Variants in DIDO1 observed in about 807,000 individuals in gnomAD.
DIDO1 encodes the protein death inducer-obliterator 1.
Under a neutral mutation model 99.4 loss-of-function variants are expected in DIDO1, and 16 were observed. The observed-to-expected ratio is 0.16, with a 90% CI of 0.11 to 0.24. The LOEUF is 0.24. DIDO1 is among the 10% of genes least tolerant of loss of function. The probability of loss-of-function intolerance (pLI) is 1.00; values close to 1 mark genes in which losing one functional copy is unlikely to be tolerated. For missense variants in DIDO1, 2,996 were observed against 3,014.0 expected (o/e 0.99, Z 0.14); for synonymous variants, 1,366 against 1,239.1 (o/e 1.10, Z -2.15).
At chr20:62,927,655 G>C (rs1601047304), upstream of DIDO1, among the ~76,000 whole-genome samples, 1 of 152,374 alleles carries the variant, frequency 6.6e-6, no homozygotes, top group Admixed American at 6.5e-5. Context: ...GTGCCGTAAA[G>C]CTGCCCCTAA....
At chr20:62,890,093 C>T (rs2064367421) in intron 15 of DIDO1, 1 of 985,922 alleles carries the variant, frequency 1.0e-6, no homozygotes, top group African/African-American at 1.7e-5. Context: ...CCCGCCGAGG[C>T]CTGGTGACAG....
chr20:62,909,019 A>C (rs1336381415), intron 4 of DIDO1, among the ~76,000 whole-genome samples: 6 of 152,254 alleles, frequency 3.9e-5, no homozygotes, highest in African/African-American at 1.4e-4. Flanking sequence ...GCACGCTCCC[A>C]GGTGCACGGC....
At chr20:62,937,102 C>T (rs541700063) in intron 1 of DIDO1, among the ~76,000 whole-genome samples, 2 of 152,348 alleles carry the variant, frequency 1.3e-5, no homozygotes, top group South Asian at 4.1e-4. Flanking sequence ...ACACGTTGTT[C>T]AGCTCGCTTG....
chr20:62,890,598 C>T (rs975432241), intron 15 of DIDO1: 8 of 1,089,292 alleles, frequency 7.3e-6, no homozygotes, highest in African/African-American at 4.9e-5. Context: ...TGCTGGCTCC[C>T]GAGTCTGTCT....
chr20:62,907,754 G>C (rs185165968), intron 4 of DIDO1, among the ~76,000 whole-genome samples: 1 of 152,176 alleles, frequency 6.6e-6, no homozygotes, highest in African/African-American at 2.4e-5. Flanking sequence ...AAATGGGTCC[G>C]GCTAAATCAG....
At chr20:62,915,056 G>A (rs2065014811) in intron 1 of DIDO1, among the ~76,000 whole-genome samples, 2 of 152,088 alleles carry the variant, frequency 1.3e-5, no homozygotes, top group South Asian at 2.1e-4. Context: ...CCCCAAAGCC[G>A]ACACTTCCAA....
intron 1 of DIDO1, among the ~76,000 whole-genome samples, chr20:62,921,989 AAT>A: frequency 6.7e-6 from 1 of 150,372 alleles, no homozygotes; most frequent in Non-Finnish European, 1.5e-5. Flanking sequence ...ATATGTCCAC[AAT>A]ATATATACAC....
At chr20:62,909,584 G>A in intron 4 of DIDO1, 115 bp downstream of exon 4, 1 of 1,283,532 alleles carries the variant, frequency 7.8e-7, no homozygotes, top group Non-Finnish European at 1.1e-6. Context: ...GAACCCGGGA[G>A]AGGCACCGCC....
chr20:62,885,080 T>C (rs1221488882), intron 15 of DIDO1, among the ~76,000 whole-genome samples: 1 of 152,244 alleles, frequency 6.6e-6, no homozygotes, highest in African/African-American at 2.4e-5. Flanking sequence ...GGTTATGAAA[T>C]TGGCTATTAT....
rs1600939851 is a variant in DIDO1, at chr20:62,894,318, A to C, written c.2572+95T>G. On this transcript the variant is annotated intron_variant, in intron 11 of 15. Transcript: ENST00000395343. This position sits in a 1 kb window ranked among gnomAD's most constrained non-coding sequence, Gnocchi z 4.4. ...TCATTCTGGCCCTTCTGCGTGTTTA[A>C]GCTTACGTGCGGTTGCTTTTAGGAG... 6.3e-7 allele frequency: 1 copy of C among 1,580,874 alleles called. No homozygotes were observed. The highest frequency in any genetic ancestry group is 2.3e-5 in the East Asian group (1 of 44,438).
rs533977923 is a variant in DIDO1 at position 62,910,928 on chromosome 20, C to A, written c.685G>T (p.Ala229Ser). ...TTACTCTCTCTGTCATCTTTCCCAGCCTGGGACACAACCCCCTGATCGTTC... is the reference window on the plus strand; with the variant it reads ...TTACTCTCTCTGTCATCTTTCCCAGACTGGGACACAACCCCCTGATCGTTC... ...PENDQGVVSQ[A>S]GKDDRESKLE... Residue 229 changes from alanine to serine, a missense_variant, in exon 3 of 16, where the codon GCT (alanine) becomes TCT (serine). Coordinates refer to ENST00000395343, the MANE Select transcript of DIDO1 (RefSeq NM_001193369.2). 2 of 1,614,182 alleles carry A rather than the reference C, an allele frequency of 1.2e-6. No homozygotes were observed. The highest frequency in any genetic ancestry group is 1.7e-5 in the Admixed American group (1 of 60,030).
intron 1 of DIDO1, among the ~76,000 whole-genome samples, chr20:62,919,605 A>G (rs1307804862): frequency 6.6e-6 from 1 of 152,084 alleles, no homozygotes; most frequent in Non-Finnish European, 1.5e-5. Flanking sequence ...AAGAAAATGT[A>G]GAGAAAAATC....
chr20:62,896,073 G>A lies in DIDO1; in HGVS notation c.2214+160C>T, dbSNP rs879803503. ...GGAAGGGGTTTCCAGGACGCTCAAC[G>A]CCAGTGCAACAATACGTGGGCGGCA... On this transcript the variant is annotated intron_variant, in intron 8 of 15. Coordinates refer to ENST00000395343, the MANE Select transcript of DIDO1 (RefSeq NM_001193369.2). The surrounding 1 kb of genome is among the most constrained non-coding windows in gnomAD (Gnocchi z 4.4). 9.9e-5 allele frequency among the ~76,000 whole-genome samples: 15 copies of A among 152,146 alleles called. No homozygotes were observed. The highest frequency in any genetic ancestry group is 3.1e-4 in the African/African-American group (13 of 41,408).
chr20:62,882,026 T>C lies in DIDO1; in HGVS notation c.3930A>G (p.Thr1310=). The C allele has an allele frequency of 6.2e-7, 1 of 1,613,570 alleles. No individual in the cohort carries two copies. The highest frequency in any genetic ancestry group is 8.5e-7 in the Non-Finnish European group (1 of 1,180,026). The part of the protein sequence containing the change: ...ASSTASSASK[T]ASPLEHILQT... Reference sequence around the variant, plus strand: ...GCAGGATGTGCTCCAGCGGTGATGCTGTTTTGGAAGCAGACGAAGCGGTGG... The same window carrying C: ...GCAGGATGTGCTCCAGCGGTGATGCCGTTTTGGAAGCAGACGAAGCGGTGG... The change falls in exon 16 of 16, where the codon ACA becomes ACG. Residue 1310 remains threonine, a synonymous_variant. Transcript: ENST00000395343.
intron 6 of DIDO1, among the ~76,000 whole-genome samples, chr20:62,903,583 T>C (rs2147459895): frequency 6.6e-6 from 1 of 152,310 alleles, no homozygotes; most frequent in South Asian, 2.1e-4. Flanking sequence ...CAGAGGTGTT[T>C]AGGGGAGAGG....
rs754259304 is a variant in DIDO1, at chr20:62,881,219, G to A, written c.4737C>T (p.Ser1579=). The change falls in exon 16 of 16, where the codon TCC becomes TCT. Residue 1579 remains serine (S), a synonymous_variant. Transcript: ENST00000395343. This position sits in a 1 kb window ranked among gnomAD's most constrained non-coding sequence, Gnocchi z 8.3. ...ETGEGEGEPL[S]RLSARGAQGA... ...CCTGGGCACCACGTGCCGAGAGCCT[G>A]GAGAGAGGCTCCCCCTCCCCCTCAC... The A allele has an allele frequency of 1.2e-6, 2 of 1,605,036 alleles. No homozygotes were observed. The highest frequency in any genetic ancestry group is 1.1e-5 in the South Asian group (1 of 90,778).
chr20:62,879,506 G>A lies in DIDO1; in HGVS notation c.6450C>T (p.Asn2150=). The A allele has an allele frequency of 6.3e-7, 1 of 1,597,642 alleles. No homozygotes were observed. The highest frequency in any genetic ancestry group is 8.5e-7 in the Non-Finnish European group (1 of 1,178,484). The stretch of plus-strand genomic sequence containing the variant: ...GGTCGCGGTTGGCGCTCCTCTCCCG[G>A]TTTCTGTCCCAGTCCCGGCTGGAGT... The part of the protein sequence containing the change: ...DKDSSRDWDR[N]RERSANRDRE... The change falls in exon 16 of 16, where the codon AAC becomes AAT. Residue 2150 remains asparagine (N), a synonymous_variant. Transcript: ENST00000395343. This position sits in a 1 kb window ranked among gnomAD's most constrained non-coding sequence, Gnocchi z 6.3.
chr20:62,923,772 A>G (rs1464530276), intron 1 of DIDO1, among the ~76,000 whole-genome samples: 1 of 152,224 alleles, frequency 6.6e-6, no homozygotes, highest in East Asian at 1.9e-4. Flanking sequence ...TTATAAAGGT[A>G]TATTAAGTAC....
chr20:62,889,093 C>G, intron 15 of DIDO1: 1 of 985,514 alleles, frequency 1.0e-6, no homozygotes, highest in Non-Finnish European at 1.2e-6. Context: ...GACGTTCCCC[C>G]AGCTGGTCGC....
Sources: gnomAD v4.1 joint callset for allele counts (sites outside exome capture counted in the v4.1 genomes callset) on GRCh38, gnomAD v4.1.1 for gene constraint, Gnocchi (gnomAD v3.1) non-coding constraint, MANE v1.5 for transcripts, NCBI Gene and HGNC (gene_info 2026-07-23, HGNC 2026-07-21) for gene names.